Variants in GEN1 observed in about 807,000 individuals in gnomAD.
The protein encoded by GEN1 is flap endonuclease GEN homolog 1.
In GEN1, 64 loss-of-function variants were observed where a neutral mutation model predicts 67.6. The ratio of observed to expected loss-of-function variants is 0.95; its 90% CI spans 0.77 to 1.17. GEN1 has a LOEUF of 1.17. Among genes scored for constraint, GEN1 ranks in the 50% most tolerant of loss-of-function variants. The pLI is 0.00. For synonymous variants in GEN1, 371 were observed against 359.4 expected, an observed-to-expected ratio of 1.03 and a Z score of -0.37; for missense variants, 1,058 against 1,048.3, an observed-to-expected ratio of 1.01 and a Z score of -0.13.
rs1314987712 is a variant in GEN1 at position 17,782,759 on chromosome 2, C to T, written c.*820C>T. On this transcript the variant is annotated 3_prime_UTR_variant, in exon 14 of 14. Transcript: ENST00000381254. ...ATCCTGTGGGAATCAGTTTTCTTGCCTGCTAATTTTTTTATTTTTCTATTT... is the reference window on the plus strand; with the variant it reads ...ATCCTGTGGGAATCAGTTTTCTTGCTTGCTAATTTTTTTATTTTTCTATTT... 3 of 152,112 alleles carry T rather than the reference C, an allele frequency of 2.0e-5. No homozygotes were observed. The highest frequency in any genetic ancestry group is 4.4e-5 in the Non-Finnish European group (3 of 68,024). 9.4% of individuals were successfully genotyped at this position (152,112 alleles called of 1,614,324 possible).
chr2:17,775,130 G>A (rs896315151), intron 11 of GEN1, among the ~76,000 whole-genome samples: 2 of 152,220 alleles, frequency 1.3e-5, no homozygotes, highest in African/African-American at 2.4e-5. Context: ...AGGGGTGGGT[G>A]TGGTTGGCCT....
At position 17,764,802 on chromosome 2, in the gene GEN1, A is replaced by G. The variant is rs1009532527; in HGVS notation, c.349-95A>G. On this transcript the variant is annotated intron_variant, in intron 3 of 13. Transcript: ENST00000381254. ...TAATTTTTAAAACACCAAAATAGCT[A>G]CTATTAATATTTGTAATACAGAAAT... 4 of 1,108,520 alleles carry G rather than the reference A, an allele frequency of 3.6e-6. No individual in the cohort carries two copies. The Admixed American group carries it at 8.2e-5, about 23-fold the overall frequency. 68.7% of individuals were successfully genotyped at this position (1,108,520 alleles called of 1,614,324 possible).
intron 10 of GEN1, 44 bp downstream of exon 10, chr2:17,773,343 T>C: frequency 8.4e-7 from 1 of 1,189,862 alleles, no homozygotes; most frequent in Non-Finnish European, 1.2e-6. Flanking sequence ...AGTTATATGC[T>C]GGAAAGATAG....
At chr2:17,765,796 A>G (rs769889448) in intron 4 of GEN1, among the ~76,000 whole-genome samples, 4 of 152,206 alleles carry the variant, frequency 2.6e-5, no homozygotes, top group Admixed American at 1.3e-4. Flanking sequence ...TCAAAATAGT[A>G]TTTTTATATA....
Position 17,780,984 on chromosome 2 carries a change from A to G in GEN1, c.1772A>G (p.Glu591Gly). ...ADLHLSTIDW[E>G]GTSFSNSPAI... ...CTACACTTGAGCACTATTGACTGGG[A>G]AGGTACTTCTTTTAGTAATTCTCCA... is the stretch of plus-strand genomic sequence containing the variant. The change falls in exon 14 of 14, where the codon GAA becomes GGA. Residue 591 changes from glutamate (E) to glycine (G), a missense_variant. Physicochemically the swap from Glu to Gly is moderately conservative, Grantham distance 98. Coordinates refer to ENST00000381254, the MANE Select transcript of GEN1 (RefSeq NM_001130009.3). 1 of 1,613,376 alleles carries G rather than the reference A, an allele frequency of 6.2e-7. No individual in the cohort carries two copies. Among genetic ancestry groups the G allele is most frequent in the Non-Finnish European group, 8.5e-7 (1 of 1,179,436 alleles).
intron 8 of GEN1, 128 bp downstream of exon 8, chr2:17,772,912 T>G (rs1012268071): frequency 1.0e-6 from 1 of 998,188 alleles, no homozygotes; most frequent in Admixed American, 3.0e-5. Context: ...TTTTTTTTCA[T>G]TTCTGTTCAA....
chr2:17,759,855 A>G, intron 1 of GEN1, 74 bp from the exon 2 acceptor site: 2 of 1,287,152 alleles, frequency 1.6e-6, no homozygotes, highest in South Asian at 1.3e-5. Flanking sequence ...CTGGCTTATA[A>G]TATATTGTTT....
chr2:17,768,905 G>T, intron 6 of GEN1, 94 bp downstream of exon 6: 1 of 671,514 alleles, frequency 1.5e-6, no homozygotes, highest in African/African-American at 1.9e-5. Flanking sequence ...TTCCAAAAAA[G>T]GGTTTTGTAT....
At chr2:17,758,323 G>A (rs1041594757) in intron 1 of GEN1, among the ~76,000 whole-genome samples, 3 of 152,116 alleles carry the variant, frequency 2.0e-5, no homozygotes, top group Non-Finnish European at 2.9e-5. Flanking sequence ...AATTGTCTTC[G>A]ATAGCAATCT....
rs1672859787 is a variant in GEN1 at position 17,781,877 on chromosome 2, A to T, written c.2665A>T (p.Thr889Ser). The T allele has an allele frequency of 6.3e-7, 1 of 1,596,872 alleles. No homozygotes were observed. Among genetic ancestry groups the T allele is most frequent in the Non-Finnish European group, 8.5e-7 (1 of 1,175,444 alleles). ...QCHKKENNSG[T>S]CLDSPLPLRQ... ...TCATAAGAAAGAAAACAACTCTGGTACTTGTTTGGATAGCCCTCTTCCTTT... is the reference window on the plus strand; with the variant it reads ...TCATAAGAAAGAAAACAACTCTGGTTCTTGTTTGGATAGCCCTCTTCCTTT... Residue 889 changes from threonine to serine, a missense_variant, in exon 14 of 14, where the codon ACT (threonine) becomes TCT (serine). Physicochemically the swap from Thr to Ser is moderately conservative, Grantham distance 58 (BLOSUM62 1). Coordinates refer to ENST00000381254, the MANE Select transcript of GEN1 (RefSeq NM_001130009.3).
chr2:17,776,214 C>T (rs1672426539), intron 11 of GEN1, among the ~76,000 whole-genome samples: 1 of 151,384 alleles, frequency 6.6e-6, no homozygotes, highest in Non-Finnish European at 1.5e-5. Context: ...GAGCTATTAT[C>T]CTGGACTCTT....
At chr2:17,771,409 C>A in intron 7 of GEN1, 122 bp downstream of exon 7, 1 of 645,224 alleles carries the variant, frequency 1.5e-6, no homozygotes, top group East Asian at 2.7e-5. Context: ...GTCTTCTCCA[C>A]TAGATTAGGA....
intron 6 of GEN1, chr2:17,770,993 C>T: frequency 1.6e-6 from 1 of 629,928 alleles, no homozygotes; most frequent in Non-Finnish European, 2.9e-6. Context: ...TCCTGTCTTG[C>T]AGTTCTGCTG....
At chr2:17,770,131 A>T (rs1467188799) in intron 6 of GEN1, among the ~76,000 whole-genome samples, 1 of 152,180 alleles carries the variant, frequency 6.6e-6, no homozygotes, top group African/African-American at 2.4e-5. Context: ...TGGGAATTGT[A>T]AAAAATAATA....
chr2:17,776,826 C>T (rs1321029747), intron 11 of GEN1, among the ~76,000 whole-genome samples: 1 of 152,242 alleles, frequency 6.6e-6, no homozygotes, highest in East Asian at 1.9e-4. Flanking sequence ...CTCAAACCTT[C>T]CTTAAAAGTG....
In GEN1 at chr2:17,785,308, CTT is replaced by C; in HGVS notation, c.*3373_*3374del. The stretch of plus-strand genomic sequence containing the variant: ...TTTCATTGTCCAGGTTATACCAATT[CTT>C]TTTAAAGCATTCCATGTTCTTGTTC... On this transcript the variant is annotated 3_prime_UTR_variant, in exon 14 of 14. Transcript: ENST00000381254. The C allele has an allele frequency of 6.6e-6, 1 of 152,222 alleles. No individual in the cohort carries two copies. The highest frequency in any genetic ancestry group is 1.9e-4 in the East Asian group (1 of 5,200). The allele number at this position is 152,222 out of a possible 1,614,324, so 9.4% of individuals were successfully genotyped here. A position where few individuals can be genotyped will look rare whatever the true frequency, so the allele number is the denominator to read the frequency against.
chr2:17,773,588 A>C (rs561950786), intron 10 of GEN1, among the ~76,000 whole-genome samples: 12 of 152,230 alleles, frequency 7.9e-5, no homozygotes, highest in African/African-American at 2.2e-4. Context: ...GAGAATGTTA[A>C]GATCAAGTAT....
intron 4 of GEN1, among the ~76,000 whole-genome samples, chr2:17,766,325 G>T (rs1432956040): frequency 6.6e-6 from 1 of 151,902 alleles, no homozygotes; most frequent in Non-Finnish European, 1.5e-5. Flanking sequence ...ATGCCACCAC[G>T]CCTGGCTAAT....
chr2:17,766,524 T>G, intron 4 of GEN1, 55 bp from the exon 5 acceptor site: 1 of 904,922 alleles, frequency 1.1e-6, no homozygotes, highest in Admixed American at 2.1e-5. Flanking sequence ...GTAATGTGGT[T>G]TAATGTATAA....
Sources: allele counts gnomAD v4.1 joint callset (sites outside exome capture counted in the v4.1 genomes callset), GRCh38; gene constraint gnomAD v4.1.1; transcripts MANE v1.5; gene names NCBI Gene and HGNC (gene_info 2026-07-23, HGNC 2026-07-21).